TF: variants seen among roughly 807,000 people sequenced by gnomAD.
TF encodes the protein serotransferrin.
A neutral mutation model predicts 82.4 loss-of-function variants in TF; 55 were observed. The observed-to-expected ratio is 0.67, with a 90% CI of 0.54 to 0.84. The LOEUF (loss-of-function observed/expected upper bound fraction) is 0.84. TF is among the 40% of genes least tolerant of loss of function. The probability of loss-of-function intolerance (pLI) is 0.00; values close to 1 mark genes in which losing one functional copy is unlikely to be tolerated. For synonymous variants in TF, 332 were observed against 332.6 expected, an observed-to-expected ratio of 1.00 and a Z score of 0.02; for missense variants, 737 against 868.4, an observed-to-expected ratio of 0.85 and a Z score of 1.90.
chr3:133,755,269 C>A, intron 4 of TF, 94 bp from the exon 5 acceptor site: 1 of 1,572,696 alleles, frequency 6.4e-7, no homozygotes, highest in Non-Finnish European at 8.7e-7. Context: ...TGGTTTTAGT[C>A]CCCTCTGTTC....
intron 10 of TF, 63 bp downstream of exon 10, chr3:133,764,338 A>G: frequency 7.3e-7 from 1 of 1,361,386 alleles, no homozygotes; most frequent in Non-Finnish European, 1.1e-6. Context: ...GAGGAGATGG[A>G]AAAATCACAG....
chr3:133,677,967 C>G, the TF span, among the ~76,000 whole-genome samples: 2 of 152,132 alleles, frequency 1.3e-5, no homozygotes, highest in Non-Finnish European at 2.9e-5. Flanking sequence ...CCCATCAACC[C>G]GTCATCTACA....
At chr3:133,761,729 G>A (rs780917847) in intron 9 of TF, 1 of 152,256 alleles carries the variant, frequency 6.6e-6, no homozygotes, top group African/African-American at 2.4e-5. Context: ...TTTGTTTTCT[G>A]GAAACTGTGA....
chr3:133,714,715 C>T, the TF span, among the ~76,000 whole-genome samples: 1 of 152,060 alleles, frequency 6.6e-6, no homozygotes, highest in African/African-American at 2.4e-5. Flanking sequence ...TGGAGTCTTG[C>T]TCTGTCACCT....
chr3:133,753,841 T>G, intron 3 of TF, 138 bp downstream of exon 3: 3 of 764,720 alleles, frequency 3.9e-6, no homozygotes, highest in Non-Finnish European at 6.8e-6. Flanking sequence ...TGAGGGGCCC[T>G]GTCAGCTGCC....
chr3:133,777,410 G>A (rs1934423880), intron 16 of TF, 172 bp downstream of exon 16: 2 of 643,598 alleles, frequency 3.1e-6, no homozygotes, highest in Admixed American at 2.4e-5. Context: ...CTAGACTGTA[G>A]GGGCAGATAG....
upstream of TF, among the ~76,000 whole-genome samples, chr3:133,742,869 G>A (rs910841965): frequency 6.6e-6 from 1 of 152,154 alleles, no homozygotes; most frequent in Non-Finnish European, 1.5e-5. Context: ...ACACACAAGC[G>A]CAGCTATTTC....
At chr3:133,755,054 G>T (rs971534517) in intron 4 of TF, among the ~76,000 whole-genome samples, 6 of 152,200 alleles carry the variant, frequency 3.9e-5, no homozygotes, top group African/African-American at 1.2e-4. Flanking sequence ...ATCCCAGAGG[G>T]GACCTCTCTC....
At chr3:133,725,577 A>G in the TF span, among the ~76,000 whole-genome samples, 7 of 152,152 alleles carry the variant, frequency 4.6e-5, no homozygotes, top group Admixed American at 1.3e-4. Context: ...GGGGTTTTCT[A>G]GATATACAAT....
At chr3:133,687,727 C>T in the TF span, among the ~76,000 whole-genome samples, 1 of 152,122 alleles carries the variant, frequency 6.6e-6, no homozygotes, top group African/African-American at 2.4e-5. Flanking sequence ...TTGGAGTTTT[C>T]GAGGTTCATT....
the TF span, among the ~76,000 whole-genome samples, chr3:133,675,236 C>A: frequency 9.8e-6 from 1 of 101,618 alleles, no homozygotes. Context: ...CAGAGTGAGA[C>A]TCTGTCAAAA....
intron 15 of TF, 58 bp downstream of exon 15, chr3:133,775,675 G>A: frequency 6.3e-7 from 1 of 1,585,718 alleles, no homozygotes; most frequent in Non-Finnish European, 8.6e-7. Context: ...GGCTATTCGG[G>A]GGGAGTTTAC....
At chr3:133,775,105 T>C (rs921776773) in intron 14 of TF, 4 of 390,838 alleles carry the variant, frequency 1.0e-5, no homozygotes, top group Non-Finnish European at 1.9e-5. Context: ...TCTTCCTCTG[T>C]TGGAGCAAGA....
the TF span, among the ~76,000 whole-genome samples, chr3:133,674,663 T>C: frequency 6.6e-5 from 10 of 151,406 alleles, no homozygotes; most frequent in African/African-American, 2.4e-4. Flanking sequence ...GCGCTGGGAG[T>C]CGAGGTGGGG....
the TF span, among the ~76,000 whole-genome samples, chr3:133,688,765 A>T: frequency 6.6e-6 from 1 of 152,232 alleles, no homozygotes; most frequent in African/African-American, 2.4e-5. Flanking sequence ...CGCATATAAG[A>T]TAGAAGAAAC....
At position 133,759,156 on chromosome 3, in the gene TF, T is replaced by A. The variant is rs777082581; in HGVS notation, c.1049-19T>A. ...CAGCTAGGGCCGCTTCTGATCTTTG[T>A]TCTTTTTTTATGCCATAGGCCCAGA... is the stretch of plus-strand genomic sequence containing the variant. On this transcript the variant is annotated intron_variant, in intron 8 of 16. Transcript: ENST00000402696. The A allele has an allele frequency of 6.2e-7, 1 of 1,614,064 alleles. No individual in the cohort carries two copies. Among genetic ancestry groups the A allele is most frequent in the Non-Finnish European group, 8.5e-7 (1 of 1,179,996 alleles).
At chr3:133,668,071 T>C in the TF span, among the ~76,000 whole-genome samples, 3 of 152,228 alleles carry the variant, frequency 2.0e-5, no homozygotes, top group Non-Finnish European at 4.4e-5. Context: ...GTCTCAAGTA[T>C]GTTCACTGGT....
the TF span, among the ~76,000 whole-genome samples, chr3:133,727,586 T>C: frequency 9.3e-6 from 1 of 107,388 alleles, no homozygotes; most frequent in African/African-American, 3.7e-5. Context: ...TACAGCACAC[T>C]GATGGGTCTT....
the TF span, among the ~76,000 whole-genome samples, chr3:133,665,475 AAAAAAAG>A: frequency 2.9e-4 from 44 of 151,534 alleles, no homozygotes; most frequent in East Asian, 9.7e-4. Context: ...CTCAAAAAAA[AAAAAAAG>A]AAAAAAGAAA....
Sources: allele counts gnomAD v4.1 joint callset (sites outside exome capture counted in the v4.1 genomes callset), GRCh38; gene constraint gnomAD v4.1.1; transcripts MANE v1.5; gene names NCBI Gene and HGNC (gene_info 2026-07-23, HGNC 2026-07-21).